The following SUPT16H variants were observed in gnomAD, a reference collection of about 807,000 sequenced individuals.
The protein encoded by SUPT16H is SPT16 homolog, facilitates chromatin remodeling subunit, also known as FACT complex subunit SPT16.
SUPT16H carries 24 observed loss-of-function variants against 136.2 expected under a neutral mutation model. The observed-to-expected ratio is 0.18, with a 90% CI of 0.13 to 0.25. The LOEUF is 0.25. SUPT16H is among the 10% of genes least tolerant of loss of function. The pLI, the probability that SUPT16H is intolerant of heterozygous loss-of-function variation, is 1.00. For synonymous variants in SUPT16H, 415 were observed against 428.2 expected, an observed-to-expected ratio of 0.97 and a Z score of 0.38; for missense variants, 623 against 1,270.2, an observed-to-expected ratio of 0.49 and a Z score of 7.74.
At chr14:21,373,264 G>T in intron 2 of SUPT16H, 74 bp downstream of exon 2, 2 of 1,206,926 alleles carry the variant, frequency 1.7e-6, no homozygotes, top group Non-Finnish European at 2.5e-6. Context: ...AAGTTTTAAT[G>T]TGGCTACCAT....
At chr14:21,365,540 C>A (rs1177684416) in intron 8 of SUPT16H, among the ~76,000 whole-genome samples, 1 of 152,048 alleles carries the variant, frequency 6.6e-6, no homozygotes, top group African/African-American at 2.4e-5. Context: ...AAACCAGATT[C>A]GTAAGACTTG....
Position 21,371,977 on chromosome 14 carries a change from A to G in SUPT16H, c.227T>C (p.Met76Thr). The change falls in exon 3 of 26, where the codon ATG becomes ACG. Residue 76 changes from methionine (M) to threonine (T), a missense_variant. Physicochemically the swap from Met to Thr is moderately conservative, Grantham distance 81. Around this residue, in one of 7 missense-constraint regions of SUPT16H, gnomAD observed 343 missense variants for 525.7 expected, o/e 0.65. Coordinates refer to ENST00000216297, the MANE Select transcript of SUPT16H (RefSeq NM_007192.4). ...MVFCDDKIIF[M>T]ASKKKVEFLK... ...GAACTCCACTTTTTTCTTGCTGGCC[A>G]TAAAGATGATTTTGTCATCACAAAA... 1.9e-6 allele frequency: 3 copies of G among 1,614,116 alleles called. No homozygotes were observed. The highest frequency in any genetic ancestry group is 2.5e-6 in the Non-Finnish European group (3 of 1,180,014).
intron 1 of SUPT16H, among the ~76,000 whole-genome samples, chr14:21,377,076 G>GAAAAAAAAAAAAAAAAAAAAATAAAAAAA (rs11323425): frequency 9.0e-6 from 1 of 110,790 alleles, no homozygotes; most frequent in Non-Finnish European, 1.8e-5. Flanking sequence ...GAAAGAAAAA[G>GAAAAAAAAAAAAAAAAAAAAATAAAAAAA]AAAAAAAAAA....
chr14:21,371,212 T>C (rs1156276869), intron 3 of SUPT16H, among the ~76,000 whole-genome samples: 1 of 152,160 alleles, frequency 6.6e-6, no homozygotes, highest in Non-Finnish European at 1.5e-5. Context: ...AAGATTGTAA[T>C]ATATCAAAAG....
intron 13 of SUPT16H, 22 bp from the exon 14 acceptor site, chr14:21,362,969 A>G: frequency 6.2e-7 from 1 of 1,613,302 alleles, no homozygotes; most frequent in Admixed American, 1.7e-5. Context: ...TAAAAAAACA[A>G]CTGAGAAATT....
intron 7 of SUPT16H, 70 bp from the exon 8 acceptor site, chr14:21,366,599 A>T (rs980679612): frequency 1.4e-6 from 2 of 1,412,200 alleles, no homozygotes; most frequent in African/African-American, 1.4e-5. Context: ...TTTTAAAATC[A>T]AAATTTATGT....
intron 1 of SUPT16H, chr14:21,383,356 G>A (rs1323625860): frequency 1.3e-5 from 6 of 476,378 alleles, no homozygotes; most frequent in Non-Finnish European, 2.2e-5. Context: ...CGCGTGAGCA[G>A]TATTTCTTTT....
intron 1 of SUPT16H, 133 bp downstream of exon 1, chr14:21,383,729 C>T: frequency 1.0e-6 from 1 of 1,000,764 alleles, no homozygotes; most frequent in Non-Finnish European, 1.6e-6. Flanking sequence ...GTGAATGATT[C>T]GGGAGCAACG....
intron 1 of SUPT16H, 22 bp from the exon 2 acceptor site, chr14:21,373,452 C>G: frequency 6.4e-7 from 1 of 1,570,978 alleles, no homozygotes; most frequent in Non-Finnish European, 8.8e-7. Context: ...GGGTAATCAT[C>G]ACTTAATTTT....
intron 17 of SUPT16H, 151 bp downstream of exon 17, chr14:21,360,695 A>C (rs1010035675): frequency 4.6e-6 from 6 of 1,295,902 alleles, no homozygotes; most frequent in Non-Finnish European, 6.4e-6. Context: ...GATTCCTCCC[A>C]GCATTTCCTT....
intron 25 of SUPT16H, 136 bp downstream of exon 25, chr14:21,353,352 C>T: frequency 1.2e-6 from 1 of 803,048 alleles, no homozygotes; most frequent in Non-Finnish European, 2.0e-6. Context: ...GAAGTTGTAT[C>T]TGTGGCTCCA....
chr14:21,381,084 G>C (rs1248904983), intron 1 of SUPT16H, among the ~76,000 whole-genome samples: 1 of 151,896 alleles, frequency 6.6e-6, no homozygotes, highest in Non-Finnish European at 1.5e-5. Context: ...AGGCAAGACT[G>C]GATCTAGACT....
At chr14:21,381,406 C>T (rs1887019960) in intron 1 of SUPT16H, among the ~76,000 whole-genome samples, 1 of 152,042 alleles carries the variant, frequency 6.6e-6, no homozygotes, top group Admixed American at 6.5e-5. Context: ...AGCTTAGTAG[C>T]CTATCAGTTC....
chr14:21,379,951 A>G (rs1436293118), intron 1 of SUPT16H, among the ~76,000 whole-genome samples: 1 of 152,220 alleles, frequency 6.6e-6, no homozygotes, highest in Admixed American at 6.5e-5. Flanking sequence ...TAAAGGAGCT[A>G]TTAAGAGCTG....
Position 21,368,427 on chromosome 14 carries a change from A to T in SUPT16H, c.797T>A (p.Met266Lys). Reference protein sequence around the residue: ...KFSVVSDKNHMHFGAITCAMG... With the variant: ...KFSVVSDKNHKHFGAITCAMG... ...GGCACAAGTGATAGCCCCAAAGTGC[A>T]TATGATTCTTGTCACTAGAGACCAA... Residue 266 changes from methionine (M) to lysine (K), a missense_variant, in exon 7 of 26, where the codon ATG becomes AAG. By Grantham distance (95) the Met-to-Lys change is moderately conservative. Transcript: ENST00000216297. 6.2e-7 allele frequency: 1 copy of T among 1,608,714 alleles called. No individual in the cohort carries two copies. Among genetic ancestry groups the T allele is most frequent in the Non-Finnish European group, 8.5e-7 (1 of 1,178,260 alleles).
At chr14:21,380,296 A>ATTTTCTTTTTTT (rs1886994617) in intron 1 of SUPT16H, among the ~76,000 whole-genome samples, 1 of 112,022 alleles carries the variant, frequency 8.9e-6, no homozygotes, top group African/African-American at 3.2e-5. Flanking sequence ...GGAAGACTGA[A>ATTTTCTTTTTTT]TTTTTTTTTT....
rs971727410 is a variant in SUPT16H, at chr14:21,353,840, G to A, written c.2791-8C>T. The A allele has an allele frequency of 6.2e-7, 1 of 1,610,194 alleles. No homozygotes were observed. The highest frequency in any genetic ancestry group is 8.5e-7 in the Non-Finnish European group (1 of 1,178,802). ...TTCTTCAGCATCACTCCCCTGGTGA[G>A]TTAGAGCATAATACTGATTTTTTTT... On this transcript the variant is annotated splice_polypyrimidine_tract_variant and splice_region_variant and intron_variant, in intron 23 of 25. Coordinates refer to ENST00000216297, the MANE Select transcript of SUPT16H (RefSeq NM_007192.4).
At chr14:21,358,766 A>G (rs1015946768) in intron 19 of SUPT16H, among the ~76,000 whole-genome samples, 32 of 152,232 alleles carry the variant, frequency 2.1e-4, no homozygotes, top group Non-Finnish European at 3.4e-4. Context: ...CTCAGCAGAT[A>G]CTTGAGTTGC....
intron 15 of SUPT16H, among the ~76,000 whole-genome samples, chr14:21,361,699 G>A (rs1277107302): frequency 6.6e-6 from 1 of 152,068 alleles, no homozygotes; most frequent in Non-Finnish European, 1.5e-5. Flanking sequence ...AGAATCCAAT[G>A]TGGCACCAGT....
Sources: allele counts gnomAD v4.1 joint callset (sites outside exome capture counted in the v4.1 genomes callset), GRCh38; gene constraint gnomAD v4.1.1; regional missense constraint gnomAD v4.1.1; transcripts MANE v1.5; gene names NCBI Gene and HGNC (gene_info 2026-07-23, HGNC 2026-07-21).